Variants in FRMPD4 observed in about 807,000 individuals in gnomAD.
FRMPD4 encodes FERM and PDZ domain-containing protein 4.
A neutral mutation model predicts 94.1 loss-of-function variants in FRMPD4; 22 were observed. That is an observed-to-expected ratio of 0.23 (90% CI 0.17 to 0.33). The LOEUF (loss-of-function observed/expected upper bound fraction) is 0.33. Ranked by LOEUF, FRMPD4 falls within the 10% of genes least tolerant of loss-of-function variation. The probability of loss-of-function intolerance (pLI) is 1.00; values close to 1 mark genes in which losing one functional copy is unlikely to be tolerated. For synonymous variants in FRMPD4, 631 were observed against 548.6 expected (o/e 1.15, Z -2.10); for missense variants, 1,111 against 1,339.9 (o/e 0.83, Z 2.67).
At position 12,280,562 on chromosome X, in the gene FRMPD4, T is replaced by G. The variant is rs1017420425; in HGVS notation, c.41+141550T>G. On this transcript the variant is annotated intron_variant, in intron 1 of 16. Transcript: ENST00000675598. ...TAATCCACAGAAAAACTCAACTTACTTTATTGAAACCATGATAGGCATGAG... is the reference window on the plus strand; with the variant it reads ...TAATCCACAGAAAAACTCAACTTACGTTATTGAAACCATGATAGGCATGAG... Among the ~76,000 whole-genome samples the G allele has an allele frequency of 5.4e-5, 6 of 111,152 alleles. No homozygotes were observed. The Admixed American group carries it at 5.7e-4, about 11-fold the overall frequency.
At chrX:12,105,065 T>C (rs917268867) in intron 3 of FRMPD4, among the ~76,000 whole-genome samples, 1 of 111,670 alleles carries the variant, frequency 9.0e-6, no homozygotes, top group African/African-American at 3.3e-5. Context: ...GTTATTTGCA[T>C]AGTTATCAGT....
chrX:11,924,760 A>G (rs768835791), intron 3 of FRMPD4, among the ~76,000 whole-genome samples: 35 of 112,250 alleles, frequency 3.1e-4, no homozygotes, highest in Non-Finnish European at 1.7e-4. Context: ...TGAGGGAAGC[A>G]CTAAATATGA....
intron 1 of FRMPD4, among the ~76,000 whole-genome samples, chrX:12,187,170 A>G (rs746803728): frequency 1.8e-5 from 2 of 111,761 alleles, no homozygotes; most frequent in African/African-American, 6.5e-5. Flanking sequence ...TATTCCTTGA[A>G]TGCACTTGCT....
intron 1 of FRMPD4, among the ~76,000 whole-genome samples, chrX:12,393,220 A>G (rs1486581587): frequency 8.9e-6 from 1 of 112,588 alleles, no homozygotes; most frequent in Non-Finnish European, 1.9e-5. Context: ...GCATGTTTGT[A>G]TGAAATTCAA....
At chrX:12,159,613 A>C (rs922065236) in intron 1 of FRMPD4, among the ~76,000 whole-genome samples, 2 of 112,185 alleles carry the variant, frequency 1.8e-5, no homozygotes, top group African/African-American at 3.2e-5. Flanking sequence ...AGTAGAATAT[A>C]TCTCTTTTAT....
chrX:12,067,121 C>A (rs1230533179), intron 3 of FRMPD4, among the ~76,000 whole-genome samples: 1 of 110,002 alleles, frequency 9.1e-6, no homozygotes, highest in Non-Finnish European at 1.9e-5. Flanking sequence ...CTGCCCACCT[C>A]GGCCTCCCAA....
At chrX:12,112,458 C>A (rs1162901157) in intron 3 of FRMPD4, among the ~76,000 whole-genome samples, 1 of 110,532 alleles carries the variant, frequency 9.0e-6, no homozygotes, top group Non-Finnish European at 1.9e-5. Context: ...AGGAGATATA[C>A]CTAATGTAAA....
At chrX:12,414,874 C>G (rs1217028170) in intron 1 of FRMPD4, among the ~76,000 whole-genome samples, 1 of 112,243 alleles carries the variant, frequency 8.9e-6, no homozygotes, top group Non-Finnish European at 1.9e-5. Context: ...ACAATTCTGT[C>G]TGACTCCATA....
chrX:12,571,082 A>G (rs1479533340), intron 2 of FRMPD4, among the ~76,000 whole-genome samples: 2 of 112,178 alleles, frequency 1.8e-5, no homozygotes, highest in Non-Finnish European at 3.8e-5. Context: ...ATCGAAACCT[A>G]AACTTTGAGG....
intron 4 of FRMPD4, among the ~76,000 whole-genome samples, chrX:12,666,014 T>A (rs1257309957): frequency 9.1e-6 from 1 of 110,179 alleles, no homozygotes; most frequent in Non-Finnish European, 1.9e-5. Context: ...ATCGGTGTGC[T>A]GTATTCAGGA....
At chrX:11,971,599 T>G (rs994004629) in intron 3 of FRMPD4, among the ~76,000 whole-genome samples, 2 of 112,549 alleles carry the variant, frequency 1.8e-5, no homozygotes, top group Admixed American at 1.9e-4. Context: ...TAGTATGTGC[T>G]CAGTTGTTTG....
chrX:11,847,119 C>T (rs1321576627), intron 1 of FRMPD4, among the ~76,000 whole-genome samples: 13 of 110,116 alleles, frequency 1.2e-4, no homozygotes, highest in East Asian at 2.9e-4. Flanking sequence ...AGAAAATTTT[C>T]GCAACCTACT....
intron 1 of FRMPD4, among the ~76,000 whole-genome samples, chrX:12,444,796 C>A (rs1457458896): frequency 9.0e-6 from 1 of 111,509 alleles, no homozygotes; most frequent in Non-Finnish European, 1.9e-5. Context: ...AGATAACTAA[C>A]CCACTCCCAT....
chrX:11,871,060 G>A (rs948563221), intron 2 of FRMPD4, among the ~76,000 whole-genome samples: 24 of 112,530 alleles, frequency 2.1e-4, no homozygotes, highest in African/African-American at 7.7e-4. Context: ...CAGAGGCTGT[G>A]GTCTGGTTGC....
chrX:12,706,996 C>G, intron 12 of FRMPD4, 81 bp downstream of exon 12: 3 of 503,078 alleles, frequency 6.0e-6, no homozygotes, highest in Non-Finnish European at 1.0e-5. Context: ...AAAAGCAAAT[C>G]AGCTGTGAAT....
At chrX:12,259,913 T>G (rs2054167393) in intron 1 of FRMPD4, among the ~76,000 whole-genome samples, 1 of 112,081 alleles carries the variant, frequency 8.9e-6, no homozygotes, top group African/African-American at 3.2e-5. Context: ...ATGTACTTGA[T>G]GCCTATTATC....
intron 4 of FRMPD4, among the ~76,000 whole-genome samples, chrX:12,641,019 A>AT (rs146805259): frequency 1.8e-5 from 2 of 110,904 alleles, no homozygotes; most frequent in African/African-American, 6.6e-5. Context: ...CCTATCTCTA[A>AT]TTTTTTTTAA....
chrX:11,823,250 A>G (rs1306247870), intron 1 of FRMPD4, among the ~76,000 whole-genome samples: 1 of 109,941 alleles, frequency 9.1e-6, no homozygotes, highest in East Asian at 2.8e-4. Flanking sequence ...AGGAACTCTC[A>G]AAGCATGCCA....
intron 1 of FRMPD4, among the ~76,000 whole-genome samples, chrX:12,463,425 G>T (rs1442572808): frequency 8.9e-6 from 1 of 111,877 alleles, no homozygotes; most frequent in African/African-American, 3.2e-5. Context: ...AACCAGATAT[G>T]TTCCTTTGCA....
Sources: allele counts gnomAD v4.1 joint callset (sites outside exome capture counted in the v4.1 genomes callset), GRCh38; gene constraint gnomAD v4.1.1; transcripts MANE v1.5; gene names NCBI Gene and HGNC (gene_info 2026-07-23, HGNC 2026-07-21).